GALNT18: variants seen among roughly 807,000 people sequenced by gnomAD.
GALNT18 encodes the protein polypeptide N-acetylgalactosaminyltransferase 18, also known as GalNAc-transferase 18.
Under a neutral mutation model 69.5 loss-of-function variants are expected in GALNT18, and 44 were observed. The observed-to-expected ratio is 0.63, with a 90% CI of 0.50 to 0.81. The LOEUF (loss-of-function observed/expected upper bound fraction) is 0.81. Ranked by LOEUF, GALNT18 falls within the 40% of genes least tolerant of loss-of-function variation. The probability of loss-of-function intolerance (pLI) is 0.00; values close to 1 mark genes in which losing one functional copy is unlikely to be tolerated. For missense variants in GALNT18, 715 were observed against 810.0 expected (o/e 0.88, Z 1.42); for synonymous variants, 364 against 318.2 (o/e 1.14, Z -1.53).
chr11:11,475,935 G>C (rs974370630), intron 1 of GALNT18: 4 of 152,138 alleles, frequency 2.6e-5, no homozygotes, highest in Admixed American at 2.0e-4. Flanking sequence ...CTGAATCCAG[G>C]AACAGAGCTG....
intron 1 of GALNT18, among the ~76,000 whole-genome samples, chr11:11,493,644 G>C (rs1316688156): frequency 1.3e-5 from 2 of 152,160 alleles, no homozygotes; most frequent in East Asian, 3.8e-4. Flanking sequence ...TACGTCTCAA[G>C]ATTTTTTGGA....
rs1858591766 is a variant in GALNT18 at position 11,564,392 on chromosome 11, C to T, written c.235+56967G>A. On this transcript the variant is annotated intron_variant, in intron 1 of 10. Coordinates refer to ENST00000227756, the MANE Select transcript of GALNT18 (RefSeq NM_198516.3). This position sits in a 1 kb window ranked among gnomAD's most constrained non-coding sequence, Gnocchi z 4.3. The stretch of plus-strand genomic sequence containing the variant: ...CCCAAATCCCCGGAAGGATTCCAGG[C>T]AAGTGCTCACTCAGAAGAGCAGAAC... 1.3e-5 allele frequency among the ~76,000 whole-genome samples: 2 copies of T among 152,184 alleles called. No individual in the cohort carries two copies. The highest frequency in any genetic ancestry group is 1.3e-4 in the Admixed American group (2 of 15,270).
rs183223370 is a variant in GALNT18 at position 11,590,705 on chromosome 11, C to T, written c.235+30654G>A. ...TTCGCTCAATGACAGAACACATATA[C>T]AATGGTGGTCCCGTAAGATTACAAT... is the stretch of plus-strand genomic sequence containing the variant. On this transcript the variant is annotated intron_variant, in intron 1 of 10. Coordinates refer to ENST00000227756, the MANE Select transcript of GALNT18 (RefSeq NM_198516.3). This position sits in a 1 kb window ranked among gnomAD's most constrained non-coding sequence, Gnocchi z 4.4. Among the ~76,000 whole-genome samples, 2 of 152,302 alleles carry T rather than the reference C, an allele frequency of 1.3e-5. No homozygotes were observed. The highest frequency in any genetic ancestry group is 1.3e-4 in the Admixed American group (2 of 15,298).
chr11:11,344,900 C>G (rs1462234943), intron 6 of GALNT18, among the ~76,000 whole-genome samples: 2 of 152,152 alleles, frequency 1.3e-5, no homozygotes, highest in East Asian at 3.9e-4. Flanking sequence ...ACAATGGATA[C>G]CACACCAGGC....
intron 3 of GALNT18, among the ~76,000 whole-genome samples, chr11:11,409,981 G>A (rs943225005): frequency 2.0e-5 from 3 of 152,214 alleles, no homozygotes; most frequent in South Asian, 4.1e-4. Context: ...CACTACCAGG[G>A]TTACGCCCTG....
At chr11:11,420,018 A>C (rs1854964667) in intron 3 of GALNT18, among the ~76,000 whole-genome samples, 1 of 152,252 alleles carries the variant, frequency 6.6e-6, no homozygotes, top group African/African-American at 2.4e-5. Context: ...AAGGGGTGCA[A>C]GTCCCTGTGG....
At chr11:11,490,200 TTCTCTC>T (rs71037025) in intron 1 of GALNT18, among the ~76,000 whole-genome samples, 436 of 130,626 alleles carry the variant, frequency 3.3e-3, no homozygotes, top group South Asian at 4.1e-3. Flanking sequence ...CCTTCACTCA[TTCTCTC>T]TCTCTCTCTC....
At position 11,273,248 on chromosome 11, in the gene GALNT18, CAAAGTAA is replaced by C. The variant is rs1471309714; in HGVS notation, c.1678-1965_1678-1959del. ...GCTTCTGCACAGCAAAGGAAACAATCAAAGTAAAGAGACAGCCCACAGAACTGGAGAA... is the reference window on the plus strand; with the variant it reads ...GCTTCTGCACAGCAAAGGAAACAATCAGAGACAGCCCACAGAACTGGAGAA... On this transcript the variant is annotated intron_variant, in intron 10 of 10. Coordinates refer to ENST00000227756, the MANE Select transcript of GALNT18 (RefSeq NM_198516.3). Among the ~76,000 whole-genome samples, 19 of 151,556 alleles carry C rather than the reference CAAAGTAA, an allele frequency of 1.3e-4. No homozygotes were observed. The South Asian group carries it at 3.5e-3, about 28-fold the overall frequency.
chr11:11,413,510 C>A lies in GALNT18; in HGVS notation c.595+19111G>T, dbSNP rs1232082476. Among the ~76,000 whole-genome samples the A allele has an allele frequency of 6.6e-6, 1 of 152,226 alleles. No individual in the cohort carries two copies. Among genetic ancestry groups the A allele is most frequent in the Non-Finnish European group, 1.5e-5 (1 of 68,044 alleles). On this transcript the variant is annotated intron_variant, in intron 3 of 10. Coordinates refer to ENST00000227756, the MANE Select transcript of GALNT18 (RefSeq NM_198516.3). This position sits in a 1 kb window ranked among gnomAD's most constrained non-coding sequence, Gnocchi z 4.7. Reference sequence around the variant, plus strand: ...CAGGCCCCTTAACAACATTAGACTGCAATTTCAGGTTTATATAATTTGGTG... The same window carrying A: ...CAGGCCCCTTAACAACATTAGACTGAAATTTCAGGTTTATATAATTTGGTG...
intron 5 of GALNT18, among the ~76,000 whole-genome samples, chr11:11,376,943 C>T (rs889785213): frequency 3.3e-5 from 5 of 152,188 alleles, no homozygotes; most frequent in Admixed American, 6.5e-5. Flanking sequence ...CAGTGGTTGG[C>T]GCCCAGCAGA....
rs1859598007 is a variant in GALNT18, at chr11:11,600,077, T to C, written c.235+21282A>G. On this transcript the variant is annotated intron_variant, in intron 1 of 10. Transcript: ENST00000227756. The surrounding 1 kb of genome is among the most constrained non-coding windows in gnomAD (Gnocchi z 4.8). ...CTCCTCCATATTTTTGTGCTTCCTG[T>C]TAATATATATTACATTTCTATATAA... is the stretch of plus-strand genomic sequence containing the variant. Among the ~76,000 whole-genome samples the C allele has an allele frequency of 6.6e-6, 1 of 152,134 alleles. No individual in the cohort carries two copies. Among genetic ancestry groups the C allele is most frequent in the Non-Finnish European group, 1.5e-5 (1 of 67,938 alleles).
intron 3 of GALNT18, among the ~76,000 whole-genome samples, chr11:11,425,878 C>T (rs1343561860): frequency 6.6e-6 from 1 of 152,228 alleles, no homozygotes; most frequent in Non-Finnish European, 1.5e-5. Flanking sequence ...GCAGAGATGC[C>T]TCTATTGACT....
chr11:11,500,944 C>T lies in GALNT18; in HGVS notation c.236-52008G>A, dbSNP rs576550130. On this transcript the variant is annotated intron_variant, in intron 1 of 10. Transcript: ENST00000227756. The surrounding 1 kb of genome is among the most constrained non-coding windows in gnomAD (Gnocchi z 5.0). ...CACCTCAGGCCGATTTGCTAGCTGACTAGCACAGGGGCCTTGGGGCAACAC... is the reference window on the plus strand; with the variant it reads ...CACCTCAGGCCGATTTGCTAGCTGATTAGCACAGGGGCCTTGGGGCAACAC... Among the ~76,000 whole-genome samples, 1 of 152,342 alleles carries T rather than the reference C, an allele frequency of 6.6e-6. No individual in the cohort carries two copies. Among genetic ancestry groups the T allele is most frequent in the East Asian group, 1.9e-4 (1 of 5,186 alleles).
intron 6 of GALNT18, among the ~76,000 whole-genome samples, chr11:11,357,718 G>A (rs1329913069): frequency 1.3e-5 from 2 of 152,100 alleles, no homozygotes; most frequent in Non-Finnish European, 2.9e-5. Context: ...GTAAACCGGT[G>A]ACAGTAATTC....
intron 1 of GALNT18, among the ~76,000 whole-genome samples, chr11:11,529,810 C>G (rs1001821248): frequency 2.0e-5 from 3 of 152,118 alleles, no homozygotes; most frequent in Non-Finnish European, 4.4e-5. Flanking sequence ...TAGAGATTGA[C>G]CACATATGTA....
chr11:11,485,546 T>C (rs1590044426), intron 1 of GALNT18, among the ~76,000 whole-genome samples: 1 of 152,122 alleles, frequency 6.6e-6, no homozygotes, highest in African/African-American at 2.4e-5. Context: ...AACTATGCAT[T>C]TCATAATATC....
intron 9 of GALNT18, among the ~76,000 whole-genome samples, chr11:11,303,049 T>C (rs1291239605): frequency 6.6e-6 from 1 of 152,226 alleles, no homozygotes; most frequent in Non-Finnish European, 1.5e-5. Flanking sequence ...TTTGTGGCTA[T>C]AGCAGATACT....
intron 1 of GALNT18, among the ~76,000 whole-genome samples, chr11:11,535,395 G>C (rs1486006799): frequency 6.6e-6 from 1 of 152,208 alleles, no homozygotes; most frequent in African/African-American, 2.4e-5. Flanking sequence ...CATTGAGTTG[G>C]TGTGAAGATT....
intron 6 of GALNT18, among the ~76,000 whole-genome samples, chr11:11,360,483 A>T (rs1304257775): frequency 6.6e-6 from 1 of 152,236 alleles, no homozygotes; most frequent in Non-Finnish European, 1.5e-5. Context: ...TCGATTTTCT[A>T]TAGACCAAAT....
Sources: allele counts gnomAD v4.1 joint callset (sites outside exome capture counted in the v4.1 genomes callset), GRCh38; gene constraint gnomAD v4.1.1; non-coding constraint Gnocchi (gnomAD v3.1); transcripts MANE v1.5; gene names NCBI Gene and HGNC (gene_info 2026-07-23, HGNC 2026-07-21).